The following ASNSD1 variants were observed in gnomAD, a reference collection of about 807,000 sequenced individuals.
ASNSD1 encodes asparagine synthetase domain containing 1.
ASNSD1 carries 36 observed loss-of-function variants against 48.3 expected under a neutral mutation model. The observed-to-expected ratio is 0.75, with a 90% CI of 0.57 to 0.99. The LOEUF is 0.99. ASNSD1 is among the 50% of genes least tolerant of loss of function. ASNSD1 has a pLI of 0.00. For synonymous variants in ASNSD1, 257 were observed against 262.1 expected, an observed-to-expected ratio of 0.98 and a Z score of 0.19; for missense variants, 714 against 758.2, an observed-to-expected ratio of 0.94 and a Z score of 0.69.
intron 1 of ASNSD1, among the ~76,000 whole-genome samples, chr2:189,663,219 G>T (rs2032708327): frequency 6.7e-6 from 1 of 149,832 alleles, no homozygotes; most frequent in African/African-American, 2.5e-5. Flanking sequence ...AATTCCTTTT[G>T]GTGTATATCA....
rs1473650671 is a variant in ASNSD1, at chr2:189,666,879, A to G, written c.747A>G (p.Pro249=). ...KPVVPLNMML[P]QAALETHCSN... Reference sequence around the variant, plus strand: ...TTGTTCCTTTAAATATGATGTTGCCACAAGCTGCATTGGAGACTCATTGCA... The same window carrying G: ...TTGTTCCTTTAAATATGATGTTGCCGCAAGCTGCATTGGAGACTCATTGCA... Residue 249 remains proline, a synonymous_variant, in exon 4 of 6, where the codon CCA becomes CCG. Coordinates refer to ENST00000260952, the MANE Select transcript of ASNSD1 (RefSeq NM_019048.4). 1.2e-6 allele frequency: 2 copies of G among 1,614,080 alleles called. No homozygotes were observed. Among genetic ancestry groups the G allele is most frequent in the Non-Finnish European group, 1.7e-6 (2 of 1,180,004 alleles).
Position 189,667,063 on chromosome 2 carries a change from G to T in ASNSD1, c.931G>T (p.Glu311Ter), listed in dbSNP as rs2032822892. Residue 311 changes from glutamate (E) to a stop codon, truncating the protein, a stop_gained, in exon 4 of 6, where the codon GAA (glutamate) becomes TAA (stop). Coordinates refer to ENST00000260952, the MANE Select transcript of ASNSD1 (RefSeq NM_019048.4). LOFTEE classifies it high-confidence loss of function. ...LPRDENLTAN[E>*]VLKTCDRKAN... is the part of the protein sequence containing the mutation. ...TAGGGATGAAAACCTGACAGCAAATGAAGTTTTGAAAACGTGTGATAGGAA... is the reference window on the plus strand; with the variant it reads ...TAGGGATGAAAACCTGACAGCAAATTAAGTTTTGAAAACGTGTGATAGGAA... 2 of 1,613,990 alleles carry T rather than the reference G, an allele frequency of 1.2e-6. No homozygotes were observed. The highest frequency in any genetic ancestry group is 1.3e-5 in the African/African-American group (1 of 74,944).
At chr2:189,668,319 A>G (rs2032856717) in intron 5 of ASNSD1, among the ~76,000 whole-genome samples, 1 of 149,772 alleles carries the variant, frequency 6.7e-6, no homozygotes, top group Non-Finnish European at 1.5e-5. Flanking sequence ...GTTCAAGACC[A>G]GCCTGGTAAA....
rs774185778 is a variant in ASNSD1, at chr2:189,670,482, C to T, written c.1688C>T (p.Ser563Phe). The T allele has an allele frequency of 1.2e-6, 2 of 1,612,452 alleles. No individual in the cohort carries two copies. The highest frequency in any genetic ancestry group is 8.5e-7 in the Non-Finnish European group (1 of 1,179,064). ...LDENVVSFLNSLPIWEKANLT... is the reference protein window; with the variant it reads ...LDENVVSFLNFLPIWEKANLT... ...GAAAATGTTGTCTCCTTTCTAAATT[C>T]TCTGCCGATTTGGGAAAAAGCAAAC... The change falls in exon 6 of 6, where the codon TCT becomes TTT. Residue 563 changes from serine to phenylalanine, a missense_variant. Coordinates refer to ENST00000260952, the MANE Select transcript of ASNSD1 (RefSeq NM_019048.4).
At chr2:189,669,721 A>G (rs2032889699) in intron 5 of ASNSD1, among the ~76,000 whole-genome samples, 1 of 152,152 alleles carries the variant, frequency 6.6e-6, no homozygotes, top group Admixed American at 6.5e-5. Context: ...AAAGAACATA[A>G]TTTTCTAGAA....
chr2:189,666,380 T>C lies in ASNSD1; in HGVS notation c.248T>C (p.Ile83Thr), dbSNP rs1010434591. The part of the protein sequence containing the change: ...FLWNGEIFSG[I>T]KVEAEENDTQ... The stretch of plus-strand genomic sequence containing the variant: ...TGGAATGGAGAAATTTTTAGTGGAA[T>C]AAAGGTTGAAGCTGAAGAGAATGAC... Residue 83 changes from isoleucine (I) to threonine (T), a missense_variant, in exon 4 of 6, where the codon ATA becomes ACA. Ile to Thr is a moderately conservative substitution (Grantham distance 89). Coordinates refer to ENST00000260952, the MANE Select transcript of ASNSD1 (RefSeq NM_019048.4). The C allele has an allele frequency of 6.2e-7, 1 of 1,613,992 alleles. No homozygotes were observed. Among genetic ancestry groups the C allele is most frequent in the Non-Finnish European group, 8.5e-7 (1 of 1,179,942 alleles).
At position 189,661,514 on chromosome 2, in the gene ASNSD1, G is replaced by C. The variant is rs1574274912; in HGVS notation, c.-319G>C. ...GAGCCATCCCGCGTGTCTTGCGCTC[G>C]GTGGAAATGCCCAGCCGAGGGACGC... On this transcript the variant is annotated 5_prime_UTR_variant, in exon 1 of 6. Coordinates refer to ENST00000260952, the MANE Select transcript of ASNSD1 (RefSeq NM_019048.4). The C allele has an allele frequency of 2.5e-6, 1 of 399,250 alleles. No homozygotes were observed. Among genetic ancestry groups the C allele is most frequent in the East Asian group, 3.6e-5 (1 of 28,074 alleles). The allele number at this position is 399,250 out of a possible 1,614,324, so 24.7% of individuals were successfully genotyped here.
intron 5 of ASNSD1, 87 bp from the exon 6 acceptor site, chr2:189,670,354 G>C: frequency 9.2e-7 from 1 of 1,091,694 alleles, no homozygotes; most frequent in Non-Finnish European, 1.3e-6. Context: ...GAAACAATTT[G>C]GTTAAATTTT....
rs776731930 is a variant in ASNSD1, at chr2:189,670,671, G to A, written c.1877G>A (p.Arg626Gln). Residue 626 changes from arginine (R) to glutamine (Q), a missense_variant, in exon 6 of 6, where the codon CGG (arginine) becomes CAG (glutamine). Transcript: ENST00000260952. ...INEKASDKCG[R>Q]LQIMSLENLS... ...GAAAAGGCATCTGATAAATGTGGAC[G>A]GCTCCAAATCATGTCCTTAGAAAAT... 3.7e-6 allele frequency: 6 copies of A among 1,611,836 alleles called. No homozygotes were observed. The highest frequency in any genetic ancestry group is 4.5e-5 in the East Asian group (2 of 44,818).
chr2:189,668,053 G>A, intron 5 of ASNSD1, 108 bp downstream of exon 5: 1 of 1,062,044 alleles, frequency 9.4e-7, no homozygotes, highest in Non-Finnish European at 1.4e-6. Flanking sequence ...ACATGAATAA[G>A]AGCAGCAATA....
rs1421501975 is a variant in ASNSD1, at chr2:189,670,659, A to G, written c.1865A>G (p.Asp622Gly). 6.2e-7 allele frequency: 1 copy of G among 1,613,850 alleles called. No homozygotes were observed. Among genetic ancestry groups the G allele is most frequent in the African/African-American group, 1.3e-5 (1 of 75,072 alleles). Residue 622 changes from aspartate (D) to glycine (G), a missense_variant, in exon 6 of 6, where the codon GAT (aspartate) becomes GGT (glycine). Physicochemically the swap from Asp to Gly is moderately conservative, Grantham distance 94. Coordinates refer to ENST00000260952, the MANE Select transcript of ASNSD1 (RefSeq NM_019048.4). ...GAAAAAATTAATGAAAAGGCATCTG[A>G]TAAATGTGGACGGCTCCAAATCATG... is the stretch of plus-strand genomic sequence containing the variant. ...KMEKINEKAS[D>G]KCGRLQIMSL...
At position 189,667,010 on chromosome 2, in the gene ASNSD1, C is replaced by T. The variant is rs1574279573; in HGVS notation, c.878C>T (p.Ala293Val). The T allele has an allele frequency of 1.2e-6, 2 of 1,613,862 alleles. No homozygotes were observed. Among genetic ancestry groups the T allele is most frequent in the Non-Finnish European group, 1.7e-6 (2 of 1,179,880 alleles). Residue 293 changes from alanine to valine, a missense_variant, in exon 4 of 6, where the codon GCA becomes GTA. Ala to Val is a moderately conservative substitution (Grantham distance 64). Transcript: ENST00000260952. ...CAGTTCATTGATGTCCTGAGTGTAG[C>T]AGTCAAGAAACGTGTCTTGTGTTTA... ...IQQFIDVLSV[A>V]VKKRVLCLPR...
chr2:189,663,158 C>CT (rs1041047699), intron 1 of ASNSD1, among the ~76,000 whole-genome samples: 26 of 151,406 alleles, frequency 1.7e-4, no homozygotes, highest in Admixed American at 1.4e-3. Context: ...ATTCAATTTG[C>CT]TTTTTTTTAA....
At position 189,666,172 on chromosome 2, in the gene ASNSD1, C is replaced by G. The variant is rs147443669; in HGVS notation, c.40C>G (p.His14Asp). ...ICCSVNFSAE[H>D]FSQDLKEDLL... ...TTGTTCTGTAAACTTTTCTGCTGAGCATTTCAGTCAAGATTTAAAAGAGGA... is the reference window on the plus strand; with the variant it reads ...TTGTTCTGTAAACTTTTCTGCTGAGGATTTCAGTCAAGATTTAAAAGAGGA... Residue 14 changes from histidine (H) to aspartate (D), a missense_variant, in exon 4 of 6, where the codon CAT becomes GAT. His to Asp is a moderately conservative substitution (Grantham distance 81). Transcript: ENST00000260952. 1.6e-5 allele frequency: 26 copies of G among 1,598,798 alleles called. No individual in the cohort carries two copies. In the Middle Eastern group the frequency reaches 3.2e-3, roughly 195 times the overall value.
chr2:189,668,681 C>CAG (rs1361068650), intron 5 of ASNSD1, among the ~76,000 whole-genome samples: 1 of 152,212 alleles, frequency 6.6e-6, no homozygotes, highest in Non-Finnish European at 1.5e-5. Flanking sequence ...TCTGTATGTA[C>CAG]AGATCCATGC....
chr2:189,661,560 C>G lies in ASNSD1; in HGVS notation c.-273C>G, dbSNP rs181844257. ...GACGCGACCAGAGGACAGCTCTGTG[C>G]TGATCCCCACCGACAATTCGACCCC... On this transcript the variant is annotated 5_prime_UTR_variant, in exon 1 of 6. Transcript: ENST00000260952. 3 of 399,308 alleles carry G rather than the reference C, an allele frequency of 7.5e-6. No homozygotes were observed. The highest frequency in any genetic ancestry group is 1.3e-5 in the Non-Finnish European group (3 of 226,260). The allele number at this position is 399,308 out of a possible 1,614,324, so 24.7% of individuals were successfully genotyped here.
chr2:189,670,639 A>G lies in ASNSD1; in HGVS notation c.1845A>G (p.Lys615=). 1.2e-6 allele frequency: 2 copies of G among 1,614,004 alleles called. No individual in the cohort carries two copies. Among genetic ancestry groups the G allele is most frequent in the South Asian group, 1.1e-5 (1 of 91,048 alleles). Reference sequence around the variant, plus strand: ...GATCAAGAATTGCAAAAATGGAAAAAATTAATGAAAAGGCATCTGATAAAT... The same window carrying G: ...GATCAAGAATTGCAAAAATGGAAAAGATTAATGAAAAGGCATCTGATAAAT... ...QFGSRIAKME[K]INEKASDKCG... is the part of the protein sequence containing the mutation. The change falls in exon 6 of 6, where the codon AAA becomes AAG. Residue 615 remains lysine (K), a synonymous_variant. Transcript: ENST00000260952.
chr2:189,666,325 G>A lies in ASNSD1; in HGVS notation c.193G>A (p.Val65Met). 2 of 1,613,898 alleles carry A rather than the reference G, an allele frequency of 1.2e-6. No homozygotes were observed. Among genetic ancestry groups the A allele is most frequent in the South Asian group, 1.1e-5 (1 of 91,034 alleles). The change falls in exon 4 of 6, where the codon GTG (valine) becomes ATG (methionine). Residue 65 changes from valine to methionine, a missense_variant. Physicochemically the swap from Val to Met is conservative, Grantham distance 21. Coordinates refer to ENST00000260952, the MANE Select transcript of ASNSD1 (RefSeq NM_019048.4). ...HLRGVLTTQPVEDERGNVFLW... is the reference protein window; with the variant it reads ...HLRGVLTTQPMEDERGNVFLW... ...GAGGGGTGTTTTGACTACCCAGCCT[G>A]TGGAAGATGAAAGAGGCAATGTGTT...
chr2:189,666,720 G>A lies in ASNSD1; in HGVS notation c.588G>A (p.Leu196=), dbSNP rs1437492827. ...TTTCCGGATGCATTATTTTACAACT[G>A]TATCCTTGGAAATATATTTCTAGGG... ...TVISGCIILQ[L]YPWKYISREN... Residue 196 remains leucine, a synonymous_variant, in exon 4 of 6, where the codon CTG becomes CTA. Transcript: ENST00000260952. 1 of 1,612,966 alleles carries A rather than the reference G, an allele frequency of 6.2e-7. No homozygotes were observed.
Sources: allele counts gnomAD v4.1 joint callset (sites outside exome capture counted in the v4.1 genomes callset), GRCh38; gene constraint gnomAD v4.1.1; transcripts MANE v1.5; gene names NCBI Gene and HGNC (gene_info 2026-07-23, HGNC 2026-07-21).